The following QTMAN variants were observed in gnomAD, a reference collection of about 807,000 sequenced individuals.
QTMAN encodes queuosine-tRNA mannosyltransferase.
chr2:144,253,381 G>A, the QTMAN span, among the ~76,000 whole-genome samples: 7 of 152,096 alleles, frequency 4.6e-5, no homozygotes, highest in South Asian at 2.1e-4. Flanking sequence ...ATGTGGAAAC[G>A]ACTTTGGAAT....
chr2:144,202,607 C>T, the QTMAN span, among the ~76,000 whole-genome samples: 1 of 152,102 alleles, frequency 6.6e-6, no homozygotes, highest in Non-Finnish European at 1.5e-5. Flanking sequence ...ATTTTGCATC[C>T]ATTTGGGGAT....
chr2:144,165,526 C>T, the QTMAN span, among the ~76,000 whole-genome samples: 1 of 152,122 alleles, frequency 6.6e-6, no homozygotes, highest in Non-Finnish European at 1.5e-5. Flanking sequence ...TAAAGAGATG[C>T]TCACTCTTAG....
At chr2:144,234,520 T>C in the QTMAN span, among the ~76,000 whole-genome samples, 1 of 152,166 alleles carries the variant, frequency 6.6e-6, no homozygotes, top group Non-Finnish European at 1.5e-5. Flanking sequence ...CAGCATCATC[T>C]AGAAGCAGTA....
At chr2:144,196,856 C>T in the QTMAN span, among the ~76,000 whole-genome samples, 9 of 152,246 alleles carry the variant, frequency 5.9e-5, no homozygotes, top group Non-Finnish European at 1.2e-4. Context: ...TCTACAGATG[C>T]ACTTAATACT....
At chr2:144,234,452 A>G in the QTMAN span, among the ~76,000 whole-genome samples, 1 of 152,136 alleles carries the variant, frequency 6.6e-6, no homozygotes, top group Non-Finnish European at 1.5e-5. Flanking sequence ...AACCAAATGA[A>G]AAGAAAGAAT....
the QTMAN span, among the ~76,000 whole-genome samples, chr2:143,968,929 C>T: frequency 6.6e-6 from 1 of 152,158 alleles, no homozygotes; most frequent in Non-Finnish European, 1.5e-5. Flanking sequence ...ACACAGCTTC[C>T]TAAAATACAG....
At chr2:144,140,529 T>C in the QTMAN span, among the ~76,000 whole-genome samples, 1 of 152,086 alleles carries the variant, frequency 6.6e-6, no homozygotes, top group Non-Finnish European at 1.5e-5. Flanking sequence ...TCAAAAGTTG[T>C]AGTTCTCTCA....
the QTMAN span, among the ~76,000 whole-genome samples, chr2:144,201,391 C>CG: frequency 5.9e-5 from 9 of 152,138 alleles, no homozygotes; most frequent in African/African-American, 2.2e-4. Flanking sequence ...AGCACATTAA[C>CG]GAGAAGACAG....
chr2:144,270,766 T>C, the QTMAN span, among the ~76,000 whole-genome samples: 1 of 152,188 alleles, frequency 6.6e-6, no homozygotes, highest in Non-Finnish European at 1.5e-5. Flanking sequence ...GGCACATGTA[T>C]ACCTTTGTAA....
At chr2:144,154,430 G>T in the QTMAN span, among the ~76,000 whole-genome samples, 156 of 152,278 alleles carry the variant, frequency 1.0e-3, no homozygotes, top group African/African-American at 3.7e-3. Context: ...AAGGTTTCTA[G>T]CTTACATAAT....
the QTMAN span, among the ~76,000 whole-genome samples, chr2:144,189,600 CT>C: frequency 6.6e-6 from 1 of 152,130 alleles, no homozygotes; most frequent in East Asian, 1.9e-4. Flanking sequence ...CCCTGGGAGA[CT>C]GCCTTCTCTT....
chr2:143,987,691 C>T, the QTMAN span, among the ~76,000 whole-genome samples: 1 of 152,254 alleles, frequency 6.6e-6, no homozygotes, highest in Admixed American at 6.5e-5. Flanking sequence ...CCCTTGCTTC[C>T]CAGCAATAAG....
chr2:144,118,531 A>G, the QTMAN span, among the ~76,000 whole-genome samples: 44 of 152,120 alleles, frequency 2.9e-4, no homozygotes, highest in African/African-American at 8.0e-4. Context: ...ACAAATATCA[A>G]TTTTTCAAGT....
chr2:144,080,223 G>GA, the QTMAN span, among the ~76,000 whole-genome samples: 1 of 151,964 alleles, frequency 6.6e-6, no homozygotes, highest in Non-Finnish European at 1.5e-5. Context: ...CTCCTCTACT[G>GA]AAAAAACACA....
chr2:144,299,036 T>C, the QTMAN span, among the ~76,000 whole-genome samples: 19 of 152,178 alleles, frequency 1.2e-4, no homozygotes, highest in African/African-American at 4.3e-4. Context: ...TGAGAGCAGG[T>C]TGATTTCCCT....
the QTMAN span, among the ~76,000 whole-genome samples, chr2:144,034,200 C>A: frequency 6.6e-6 from 1 of 152,170 alleles, no homozygotes; most frequent in African/African-American, 2.4e-5. Context: ...ATACAAAATT[C>A]TGGGATAATT....
the QTMAN span, among the ~76,000 whole-genome samples, chr2:144,063,724 CT>C: frequency 6.6e-6 from 1 of 152,108 alleles, no homozygotes. Context: ...TATTTCTATA[CT>C]TTCAAAAAAT....
the QTMAN span, among the ~76,000 whole-genome samples, chr2:144,259,693 A>G: frequency 6.6e-6 from 1 of 152,222 alleles, no homozygotes; most frequent in African/African-American, 2.4e-5. Context: ...TTGTTATTTT[A>G]TAATTAAGCT....
the QTMAN span, among the ~76,000 whole-genome samples, chr2:144,332,224 G>A: frequency 5.9e-5 from 9 of 151,790 alleles, no homozygotes; most frequent in African/African-American, 1.9e-4. Flanking sequence ...GGCGCAGGGA[G>A]CGCAGCGCGT....
Sources: allele counts gnomAD v4.1 joint callset (sites outside exome capture counted in the v4.1 genomes callset), GRCh38; gene constraint gnomAD v4.1.1; transcripts MANE v1.5; gene names NCBI Gene and HGNC (gene_info 2026-07-23, HGNC 2026-07-21).